The following RIMBP2 variants were observed in gnomAD, a reference collection of about 807,000 sequenced individuals.
RIMBP2 encodes the protein RIMS binding protein 2.
A neutral mutation model predicts 118.6 loss-of-function variants in RIMBP2; 48 were observed. The observed-to-expected ratio is 0.40, with a 90% CI of 0.32 to 0.51. The LOEUF (loss-of-function observed/expected upper bound fraction) is 0.51. Among genes scored for constraint, RIMBP2 ranks in the 20% least tolerant of loss-of-function variants. RIMBP2 has a pLI of 0.41. For synonymous variants in RIMBP2, 762 were observed against 742.9 expected (o/e 1.03, Z -0.42); for missense variants, 1,551 against 1,768.3 (o/e 0.88, Z 2.20).
chr12:130,522,367 T>C (rs903235140), intron 2 of RIMBP2, among the ~76,000 whole-genome samples: 3 of 152,136 alleles, frequency 2.0e-5, no homozygotes, highest in Admixed American at 2.0e-4. Flanking sequence ...TCGGGGAACA[T>C]GGCAACCGGC....
intron 3 of RIMBP2, among the ~76,000 whole-genome samples, chr12:130,512,564 C>CCTCCCAAA (rs2051027369): frequency 6.6e-6 from 1 of 152,336 alleles, no homozygotes; most frequent in East Asian, 1.9e-4. Flanking sequence ...CTCAGGTGAT[C>CCTCCCAAA]CACCCGCCTT....
In RIMBP2 at chr12:130,630,983, C is replaced by G. The variant is rs891104202; in HGVS notation, c.-351-2527G>C. Among the ~76,000 whole-genome samples, 7 of 151,968 alleles carry G rather than the reference C, an allele frequency of 4.6e-5. No homozygotes were observed. The East Asian group carries it at 1.2e-3, about 25-fold the overall frequency. On this transcript the variant is annotated intron_variant, in intron 1 of 22. Coordinates refer to ENST00000690449, the MANE Select transcript of RIMBP2 (RefSeq NM_001393629.1). ...AAAAAAAAGATAAAAGGGAAAGCCA[C>G]GGGATCCAGGAAACAACAAATCCTA...
At chr12:130,714,480 G>A (rs58812317) in intron 1 of RIMBP2, among the ~76,000 whole-genome samples, 1,784 of 152,298 alleles carry the variant, frequency 0.012, 31 homozygotes, top group African/African-American at 0.04. Flanking sequence ...CTCCTGCGTG[G>A]GGGGCGGCCC....
At position 130,646,155 on chromosome 12, in the gene RIMBP2, C is replaced by T. The variant is rs866105807; in HGVS notation, c.-351-17699G>A. On this transcript the variant is annotated intron_variant, in intron 1 of 22. Coordinates refer to ENST00000690449, the MANE Select transcript of RIMBP2 (RefSeq NM_001393629.1). ...TCCACCTCCCTCACCACCTGCCTCT[C>T]CACCTCCCTCACCACCTGCCTCTCC... Among the ~76,000 whole-genome samples, 193 of 78,558 alleles carry T rather than the reference C, an allele frequency of 2.5e-3. 6 individuals carry two copies. The highest frequency in any genetic ancestry group is 4.3e-3 in the Non-Finnish European group (138 of 32,012). 51.5% of individuals were successfully genotyped at this position (78,558 alleles called of 152,430 possible). A position where few individuals can be genotyped will look rare whatever the true frequency, so the allele number is the denominator to read the frequency against.
intron 2 of RIMBP2, among the ~76,000 whole-genome samples, chr12:130,536,648 A>G (rs1289633654): frequency 1.3e-5 from 2 of 152,132 alleles, no homozygotes; most frequent in African/African-American, 4.8e-5. Context: ...CTGCTGTCCA[A>G]TATGGTGGCC....
intron 2 of RIMBP2, among the ~76,000 whole-genome samples, chr12:130,627,901 C>G (rs150963787): frequency 1.4e-4 from 21 of 152,334 alleles, no homozygotes; most frequent in Non-Finnish European, 2.8e-4. Flanking sequence ...CCATTCAGAA[C>G]TGGAAGTGAT....
At chr12:130,692,939 C>T (rs1002877866) in intron 1 of RIMBP2, among the ~76,000 whole-genome samples, 20 of 138,376 alleles carry the variant, frequency 1.4e-4, no homozygotes, top group Non-Finnish European at 2.2e-4. Flanking sequence ...TGGGATTGAA[C>T]GGCTGGAATG....
intron 11 of RIMBP2, among the ~76,000 whole-genome samples, chr12:130,439,163 ATGTG>A (rs1262466593): frequency 1.3e-5 from 2 of 149,662 alleles, no homozygotes; most frequent in African/African-American, 2.4e-5. Context: ...GTGTGTGTAA[ATGTG>A]TATGTATGGG....
intron 11 of RIMBP2, among the ~76,000 whole-genome samples, chr12:130,440,451 G>T (rs1391459690): frequency 6.6e-6 from 1 of 152,142 alleles, no homozygotes; most frequent in Non-Finnish European, 1.5e-5. Flanking sequence ...ACTGGGGTGA[G>T]CCTGGGGACC....
At chr12:130,654,940 G>C (rs945343682) in intron 1 of RIMBP2, among the ~76,000 whole-genome samples, 2 of 152,218 alleles carry the variant, frequency 1.3e-5, no homozygotes, top group Non-Finnish European at 2.9e-5. Context: ...AACTGAGCAA[G>C]AACTCACTTA....
At chr12:130,412,919 G>A in intron 18 of RIMBP2, 132 bp from the exon 19 acceptor site, 1 of 863,090 alleles carries the variant, frequency 1.2e-6, no homozygotes, top group Non-Finnish European at 1.7e-6. Context: ...TAAATCACCT[G>A]CATAGGTCAC....
chr12:130,457,855 C>A (rs2079585569), intron 6 of RIMBP2, among the ~76,000 whole-genome samples: 1 of 152,204 alleles, frequency 6.6e-6, no homozygotes, highest in Non-Finnish European at 1.5e-5. Context: ...GTGGGGATGG[C>A]TTGTCAGGTC....
chr12:130,490,264 A>C (rs35690816), intron 4 of RIMBP2, among the ~76,000 whole-genome samples: 5,464 of 152,292 alleles, frequency 0.036, 173 homozygotes, highest in South Asian at 0.14. Context: ...AAGTTAAAAA[A>C]AAAACTCACG....
chr12:130,462,154 C>T (rs1008123057), intron 6 of RIMBP2, among the ~76,000 whole-genome samples: 4 of 152,200 alleles, frequency 2.6e-5, no homozygotes, highest in Admixed American at 6.5e-5. Flanking sequence ...GCCCTCATGG[C>T]CCTGTAGATG....
intron 2 of RIMBP2, among the ~76,000 whole-genome samples, chr12:130,570,781 T>C (rs979721885): frequency 6.6e-6 from 1 of 152,216 alleles, no homozygotes; most frequent in African/African-American, 2.4e-5. Flanking sequence ...AGTTCCTTCT[T>C]ATGCACTTTC....
chr12:130,621,150 T>C lies in RIMBP2; in HGVS notation c.-217+7172A>G, dbSNP rs946646564. ...TTCCTACGTGGAAAGTGACCTTAGG[T>C]GAGTTGGAAACCCTTGAGTTCAGTC... On this transcript the variant is annotated intron_variant, in intron 2 of 22. Transcript: ENST00000690449. This position sits in a 1 kb window ranked among gnomAD's most constrained non-coding sequence, Gnocchi z 6.6. 1.3e-4 allele frequency among the ~76,000 whole-genome samples: 20 copies of C among 151,824 alleles called. No homozygotes were observed. Among genetic ancestry groups the C allele is most frequent in the African/African-American group, 4.8e-4 (20 of 41,302 alleles).
At chr12:130,536,982 T>C (rs1052152853) in intron 2 of RIMBP2, among the ~76,000 whole-genome samples, 1 of 152,148 alleles carries the variant, frequency 6.6e-6, no homozygotes, top group Non-Finnish European at 1.5e-5. Context: ...AATTGGGAGA[T>C]ATTCTGTAAC....
chr12:130,521,220 T>C (rs1277709285), intron 2 of RIMBP2, among the ~76,000 whole-genome samples: 1 of 152,162 alleles, frequency 6.6e-6, no homozygotes, highest in Admixed American at 6.5e-5. Context: ...CCCAATCAAA[T>C]CAAGCCTTTC....
chr12:130,439,572 T>C (rs1343790330), intron 11 of RIMBP2, among the ~76,000 whole-genome samples: 4 of 124,878 alleles, frequency 3.2e-5, no homozygotes, highest in African/African-American at 1.2e-4. Context: ...TGGGTGTATG[T>C]GGGTCTGTGG....
Sources: gnomAD v4.1 joint callset for allele counts (sites outside exome capture counted in the v4.1 genomes callset) on GRCh38, gnomAD v4.1.1 for gene constraint, Gnocchi (gnomAD v3.1) non-coding constraint, MANE v1.5 for transcripts, NCBI Gene and HGNC (gene_info 2026-07-23, HGNC 2026-07-21) for gene names.